Variants in IL18BP observed in about 807,000 individuals in gnomAD.
The protein encoded by IL18BP is interleukin-18-binding protein.
A neutral mutation model predicts 19.9 loss-of-function variants in IL18BP; 23 were observed. The ratio of observed to expected loss-of-function variants is 1.15; its 90% CI spans 0.83 to 1.64. The LOEUF (loss-of-function observed/expected upper bound fraction) is 1.64. Ranked by LOEUF, IL18BP falls within the 40% of genes most tolerant of loss-of-function variation. IL18BP has a pLI of 0.00. For synonymous variants in IL18BP, 107 were observed against 101.0 expected, an observed-to-expected ratio of 1.06 and a Z score of -0.35; for missense variants, 239 against 240.7, an observed-to-expected ratio of 0.99 and a Z score of 0.05.
At chr11:72,004,743 G>A, downstream of IL18BP, 4 of 1,611,968 alleles carry the variant, frequency 2.5e-6, no homozygotes, top group Non-Finnish European at 3.4e-6. Context: ...CTGCATGCTG[G>A]CTCGGCGCAG....
In IL18BP at chr11:72,000,646, T is replaced by C. The variant is rs1458347942; in HGVS notation, c.235+89T>C. 18 of 1,107,344 alleles carry C rather than the reference T, an allele frequency of 1.6e-5. 1 individual carries two copies. In the South Asian group the frequency reaches 2.3e-4, roughly 14 times the overall value. 68.6% of individuals were successfully genotyped at this position (1,107,344 alleles called of 1,614,324 possible). A position where few individuals can be genotyped will look rare whatever the true frequency, so the allele number is the denominator to read the frequency against. ...CTGAGCGCCAGTCCCCTTCTGCCCA[T>C]GTACCACCAGCTGAGCCAGCTGGGC... On this transcript the variant is annotated intron_variant, in intron 3 of 5. Coordinates refer to ENST00000393703, the MANE Select transcript of IL18BP (RefSeq NM_001039660.2).
downstream of IL18BP, among the ~76,000 whole-genome samples, chr11:72,006,562 T>TAA: frequency 6.6e-6 from 1 of 152,134 alleles, no homozygotes; most frequent in South Asian, 2.1e-4. Context: ...TGCAAAGAAA[T>TAA]AAAGTGACTA....
rs373957140 is a variant in IL18BP, at chr11:72,001,321, C to T, written c.356C>T (p.Thr119Ile). ...HLPGRLWEGS[T>I]SRERGSTGTQ... The stretch of plus-strand genomic sequence containing the variant: ...CCAGGCCGACTGTGGGAGGGGAGCA[C>T]CAGGTGAGGGTCGCAGCAGCCAGGT... Residue 119 changes from threonine (T) to isoleucine (I), a missense_variant, in exon 4 of 6, where the codon ACC (threonine) becomes ATC (isoleucine). Physicochemically the swap from Thr to Ile is moderately conservative, Grantham distance 89. Coordinates refer to ENST00000393703, the MANE Select transcript of IL18BP (RefSeq NM_001039660.2). 5 of 1,614,182 alleles carry T rather than the reference C, an allele frequency of 3.1e-6. No homozygotes were observed. The highest frequency in any genetic ancestry group is 1.1e-5 in the South Asian group (1 of 91,080).
chr11:72,004,082 C>T (rs752230112), downstream of IL18BP: 12 of 1,612,860 alleles, frequency 7.4e-6, no homozygotes, highest in South Asian at 2.2e-5. Flanking sequence ...TGAAGGCCAT[C>T]GACTGGCGCC....
downstream of IL18BP, chr11:72,005,777 G>A (rs1590857755): frequency 5.6e-6 from 3 of 535,634 alleles, no homozygotes; most frequent in East Asian, 3.2e-5. Context: ...GGGCATGGAG[G>A]ACTCCCCACA....
Position 72,001,407 on chromosome 11 carries a change from G to T in IL18BP, c.362G>T (p.Arg121Leu), listed in dbSNP as rs5743673. ...CCTTTCCTTCCCTTCCGCTCCAGCC[G>T]GGAACGTGGGAGCACAGGTACGCAG... ...PGRLWEGSTS[R>L]ERGSTGTQLC... Residue 121 changes from arginine to leucine, a missense_variant and splice_region_variant, in exon 5 of 6, where the codon CGG (arginine) becomes CTG (leucine). Arg to Leu is a moderately radical substitution (Grantham distance 102, BLOSUM62 -2). Coordinates refer to ENST00000393703, the MANE Select transcript of IL18BP (RefSeq NM_001039660.2). 8 of 1,614,056 alleles carry T rather than the reference G, an allele frequency of 5.0e-6. 1 individual carries two copies. The East Asian group carries it at 8.9e-5, about 18-fold the overall frequency.
Position 72,001,975 on chromosome 11 carries a change from C to T in IL18BP, c.*114C>T. Reference sequence around the variant, plus strand: ...TAGGCTGCGTGGATGCGCAACACACCCCCTCCTTCTCTGCTTTGGGTCCCT... The same window carrying T: ...TAGGCTGCGTGGATGCGCAACACACTCCCTCCTTCTCTGCTTTGGGTCCCT... On this transcript the variant is annotated 3_prime_UTR_variant, in exon 6 of 6. Transcript: ENST00000393703. 4 of 1,453,084 alleles carry T rather than the reference C, an allele frequency of 2.8e-6. No homozygotes were observed. The highest frequency in any genetic ancestry group is 3.7e-6 in the Non-Finnish European group (4 of 1,069,090). The allele number at this position is 1,453,084 out of a possible 1,614,324, so 90.0% of individuals were successfully genotyped here.
chr11:72,005,279 C>T (rs752057618), downstream of IL18BP: 8 of 1,609,752 alleles, frequency 5.0e-6, no homozygotes, highest in African/African-American at 6.7e-5. Flanking sequence ...GGGGCACACT[C>T]GATTGCGCTG....
At chr11:72,005,957 G>GCTTT (rs1198126338), downstream of IL18BP, 3 of 1,240,182 alleles carry the variant, frequency 2.4e-6, no homozygotes, top group Non-Finnish European at 3.4e-6. Context: ...TTTTTAAAAA[G>GCTTT]CTTTCCTCTT....
downstream of IL18BP, among the ~76,000 whole-genome samples, chr11:72,006,558 G>C (rs1307032159): frequency 6.6e-6 from 1 of 152,196 alleles, no homozygotes; most frequent in Non-Finnish European, 1.5e-5. Flanking sequence ...GAAGTGCAAA[G>C]AAATAAAGTG....
downstream of IL18BP, chr11:72,007,196 A>G: frequency 1.2e-6 from 2 of 1,608,898 alleles, no homozygotes; most frequent in Non-Finnish European, 1.7e-6. Context: ...GACCTTGGTC[A>G]TGGTGATGTT....
intron 3 of IL18BP, 116 bp downstream of exon 3, chr11:72,000,673 G>A (rs1955168048): frequency 1.2e-6 from 1 of 813,820 alleles, no homozygotes; most frequent in Non-Finnish European, 2.0e-6. Flanking sequence ...CAGCTGGGCT[G>A]AGCACGCACC....
At chr11:72,007,198 G>A, downstream of IL18BP, 1 of 1,609,174 alleles carries the variant, frequency 6.2e-7, no homozygotes, top group Non-Finnish European at 8.5e-7. Flanking sequence ...CCTTGGTCAT[G>A]GTGATGTTGA....
At chr11:72,007,806 T>C (rs1955849345), downstream of IL18BP, 4 of 365,692 alleles carry the variant, frequency 1.1e-5, no homozygotes, top group South Asian at 9.5e-5. Context: ...GCCATGAACG[T>C]GGGCATAATC....
chr11:72,001,489 C>T lies in IL18BP; in HGVS notation c.444C>T (p.Phe148=). The T allele has an allele frequency of 1.2e-6, 2 of 1,613,892 alleles. No homozygotes were observed. The highest frequency in any genetic ancestry group is 1.7e-6 in the Non-Finnish European group (2 of 1,179,806). ...CCCCTGCCCTGCACAGCACCAACTT[C>T]TCCTGTGTGCTCGTGGACCCTGAAC... ...QLTPALHSTN[F]SCVLVDPEQV... The change falls in exon 5 of 6, where the codon TTC becomes TTT. Residue 148 remains phenylalanine (F), a synonymous_variant. Transcript: ENST00000393703.
At chr11:72,004,467 C>G, downstream of IL18BP, 1 of 1,217,642 alleles carries the variant, frequency 8.2e-7, no homozygotes, top group Non-Finnish European at 1.2e-6. Flanking sequence ...CTTCCCAACT[C>G]TGGGCCAGAT....
chr11:72,000,287 C>A (rs1955141363), intron 2 of IL18BP, 64 bp from the exon 3 acceptor site: 3 of 1,428,496 alleles, frequency 2.1e-6, no homozygotes, highest in South Asian at 1.2e-5. Flanking sequence ...GCTGGAGTTA[C>A]ATCCTTACCC....
downstream of IL18BP, chr11:72,005,521 G>A: frequency 3.0e-6 from 2 of 668,442 alleles, no homozygotes; most frequent in East Asian, 2.9e-5. Context: ...CAGGAGTACG[G>A]CACACAGACT....
At chr11:72,007,901 C>T, downstream of IL18BP, 3 of 353,630 alleles carry the variant, frequency 8.5e-6, no homozygotes, top group South Asian at 6.7e-5. Context: ...ATGTCCTTTC[C>T]CTGGTCTGCT....
Sources: gnomAD v4.1 joint callset for allele counts (sites outside exome capture counted in the v4.1 genomes callset) on GRCh38, gnomAD v4.1.1 for gene constraint, MANE v1.5 for transcripts, NCBI Gene and HGNC (gene_info 2026-07-23, HGNC 2026-07-21) for gene names.